Variants in ZNF627 observed in about 807,000 individuals in gnomAD.
The protein encoded by ZNF627 is zinc finger protein 627.
A neutral mutation model predicts 10.6 loss-of-function variants in ZNF627; 12 were observed. The observed-to-expected ratio is 1.13, with a 90% CI of 0.73 to 1.84. The LOEUF (loss-of-function observed/expected upper bound fraction) is 1.84. Among genes scored for constraint, ZNF627 ranks in the 40% most tolerant of loss-of-function variants. The probability of loss-of-function intolerance (pLI) is 0.00; values close to 1 mark genes in which losing one functional copy is unlikely to be tolerated. For missense variants in ZNF627, 504 were observed against 568.4 expected (o/e 0.89, Z 1.15); for synonymous variants, 176 against 187.1 (o/e 0.94, Z 0.48).
intron 1 of ZNF627, among the ~76,000 whole-genome samples, chr19:11,599,119 C>G (rs936197741): frequency 2.0e-5 from 3 of 152,226 alleles, no homozygotes; most frequent in African/African-American, 7.2e-5. Flanking sequence ...TGGTCCTGGG[C>G]TTCAGGGCTG....
At chr19:11,598,359 C>G (rs1056076499) in intron 1 of ZNF627, among the ~76,000 whole-genome samples, 3 of 152,056 alleles carry the variant, frequency 2.0e-5, no homozygotes, top group African/African-American at 7.2e-5. Context: ...ATAGCGAGAC[C>G]CCATCTCTGT....
intron 1 of ZNF627, among the ~76,000 whole-genome samples, chr19:11,612,800 G>C (rs1313867054): frequency 1.3e-5 from 2 of 151,568 alleles, no homozygotes; most frequent in Non-Finnish European, 2.9e-5. Context: ...TTGGTTGAGG[G>C]AGTACCTGTG....
rs1015672493 is a variant in ZNF627 at position 11,619,061 on chromosome 19, C to A, written c.*1172C>A. ...TCATGCTGTTTTGTGTGCTCTCTTG[C>A]TAAAGACCGCAGAGACCATACCTGT... On this transcript the variant is annotated 3_prime_UTR_variant, in exon 4 of 4. Transcript: ENST00000361113. 1 of 151,998 alleles carries A rather than the reference C, an allele frequency of 6.6e-6. No individual in the cohort carries two copies. The highest frequency in any genetic ancestry group is 2.4e-5 in the African/African-American group (1 of 41,346). The allele number at this position is 151,998 out of a possible 1,614,324, so 9.4% of individuals were successfully genotyped here.
Position 11,603,284 on chromosome 19 carries a change from C to CTTTTTTTT in ZNF627, c.3+5665_3+5672dup, listed in dbSNP as rs34132887. 2.5e-5 allele frequency among the ~76,000 whole-genome samples: 3 copies of CTTTTTTTT among 119,960 alleles called. 1 individual carries two copies. Among genetic ancestry groups the CTTTTTTTT allele is most frequent in the Non-Finnish European group, 5.0e-5 (3 of 59,638 alleles). The allele number at this position is 119,960 out of a possible 152,430, so 78.7% of individuals were successfully genotyped here. A position where few individuals can be genotyped will look rare whatever the true frequency, so the allele number is the denominator to read the frequency against. ...GTACGACATCTTGGCTATTCTTAGC[C>CTTTTTTTT]TTTTTTTTTTTTTTTTTTGAGATGG... On this transcript the variant is annotated intron_variant, in intron 1 of 3. Transcript: ENST00000361113.
intron 1 of ZNF627, among the ~76,000 whole-genome samples, chr19:11,602,639 A>G (rs1973607705): frequency 6.6e-6 from 1 of 152,170 alleles, no homozygotes; most frequent in Non-Finnish European, 1.5e-5. Flanking sequence ...ATGAGCCCTG[A>G]ACTTGTGGGG....
At chr19:11,605,554 T>C (rs1444384976) in intron 1 of ZNF627, among the ~76,000 whole-genome samples, 1 of 151,646 alleles carries the variant, frequency 6.6e-6, no homozygotes, top group Non-Finnish European at 1.5e-5. Context: ...AGACTAAAGG[T>C]GGGGGAAAGG....
In ZNF627 at chr19:11,618,013, T is replaced by A; in HGVS notation, c.*124T>A. 5 of 811,026 alleles carry A rather than the reference T, an allele frequency of 6.2e-6. No individual in the cohort carries two copies. Among genetic ancestry groups the A allele is most frequent in the Non-Finnish European group, 9.1e-6 (5 of 548,624 alleles). 50.2% of individuals were successfully genotyped at this position (811,026 alleles called of 1,614,324 possible). A position where few individuals can be genotyped will look rare whatever the true frequency, so the allele number is the denominator to read the frequency against. ...GTGGAGAAAGACCCTGTAAGATAAT[T>A]GGCTTTAAATTACGAGAGACTTGTG... is the stretch of plus-strand genomic sequence containing the variant. On this transcript the variant is annotated 3_prime_UTR_variant, in exon 4 of 4. Transcript: ENST00000361113.
rs374069781 is a variant in ZNF627, at chr19:11,597,654, C to G, written c.3+24C>G. ...TGGTGCGTGTGAGGGGTCAGGCGTC[C>G]CCAGACCTGGGGGAGGGGCTGGTTG... is the stretch of plus-strand genomic sequence containing the variant. On this transcript the variant is annotated intron_variant, in intron 1 of 3. Transcript: ENST00000361113. 7.6e-5 allele frequency: 101 copies of G among 1,336,504 alleles called. No homozygotes were observed. In the African/African-American group the frequency reaches 1.4e-3, roughly 19 times the overall value. 82.8% of individuals were successfully genotyped at this position (1,336,504 alleles called of 1,614,324 possible).
chr19:11,613,309 C>T (rs1032673313), intron 1 of ZNF627, among the ~76,000 whole-genome samples: 25 of 144,536 alleles, frequency 1.7e-4, no homozygotes, highest in Non-Finnish European at 3.3e-4. Flanking sequence ...CCATCCCTGG[C>T]CTGAAGGTGG....
At position 11,616,856 on chromosome 19, in the gene ZNF627, G is replaced by A. The variant is rs376422962; in HGVS notation, c.353G>A (p.Arg118Lys). The A allele has an allele frequency of 1.6e-4, 254 of 1,613,912 alleles. 2 individuals carry two copies. The highest frequency in any genetic ancestry group is 1.9e-5 in the Non-Finnish European group (22 of 1,180,008). Reference sequence around the variant, plus strand: ...GGCATGGGTCCTTCATCACTTAATAGGCACATCAGAGATCACACTGGACGT... The same window carrying A: ...GGCATGGGTCCTTCATCACTTAATAAGCACATCAGAGATCACACTGGACGT... ...EVGMGPSSLNRHIRDHTGREP... is the reference protein window; with the variant it reads ...EVGMGPSSLNKHIRDHTGREP... Residue 118 changes from arginine to lysine, a missense_variant, in exon 4 of 4, where the codon AGG (arginine) becomes AAG (lysine). Arg to Lys is a conservative substitution (Grantham distance 26, BLOSUM62 2). Transcript: ENST00000361113.
chr19:11,615,496 C>G (rs1279902059), intron 3 of ZNF627, among the ~76,000 whole-genome samples: 2 of 146,878 alleles, frequency 1.4e-5, no homozygotes, highest in Non-Finnish European at 3.0e-5. Flanking sequence ...CCCAGCTACT[C>G]GGGAGGCTGA....
At chr19:11,610,948 G>A (rs968670686) in intron 1 of ZNF627, among the ~76,000 whole-genome samples, 1 of 151,738 alleles carries the variant, frequency 6.6e-6, no homozygotes, top group African/African-American at 2.4e-5. Context: ...CACCTCCTGG[G>A]TTCAAGCGAT....
In ZNF627 at chr19:11,619,151, T is replaced by C. The variant is rs988948105; in HGVS notation, c.*1262T>C. Reference sequence around the variant, plus strand: ...CCACAAACCATAAAGGACTGTGTGATGTATCAGTAAGAGGGTGCTCAGAAG... The same window carrying C: ...CCACAAACCATAAAGGACTGTGTGACGTATCAGTAAGAGGGTGCTCAGAAG... On this transcript the variant is annotated 3_prime_UTR_variant, in exon 4 of 4. Transcript: ENST00000361113. 2 of 152,122 alleles carry C rather than the reference T, an allele frequency of 1.3e-5. No homozygotes were observed. Among genetic ancestry groups the C allele is most frequent in the Admixed American group, 6.6e-5 (1 of 15,266 alleles). 9.4% of individuals were successfully genotyped at this position (152,122 alleles called of 1,614,324 possible). A position where few individuals can be genotyped will look rare whatever the true frequency, so the allele number is the denominator to read the frequency against.
chr19:11,614,748 G>T, intron 2 of ZNF627, 79 bp from the exon 3 acceptor site: 2 of 1,598,762 alleles, frequency 1.3e-6, no homozygotes, highest in Non-Finnish European at 1.7e-6. Context: ...TGGGTACAGG[G>T]AATTATGAAT....
rs559885274 is a variant in ZNF627, at chr19:11,607,661, C to T, written c.4-6866C>T. ...TGCTTCAAGTTACCAACAAGTTTCTCGTCTCCATCTGAGACCACCTCAGCC... is the reference window on the plus strand; with the variant it reads ...TGCTTCAAGTTACCAACAAGTTTCTTGTCTCCATCTGAGACCACCTCAGCC... On this transcript the variant is annotated intron_variant, in intron 1 of 3. Coordinates refer to ENST00000361113, the MANE Select transcript of ZNF627 (RefSeq NM_145295.4). 3.9e-5 allele frequency among the ~76,000 whole-genome samples: 6 copies of T among 152,316 alleles called. No individual in the cohort carries two copies. The South Asian group carries it at 6.2e-4, about 16-fold the overall frequency.
chr19:11,606,472 C>T (rs1973677206), intron 1 of ZNF627, among the ~76,000 whole-genome samples: 2 of 152,364 alleles, frequency 1.3e-5, no homozygotes, highest in South Asian at 4.1e-4. Flanking sequence ...AGCCCCCACT[C>T]CTGGCTGCTT....
At chr19:11,603,599 G>GT (rs897179561) in intron 1 of ZNF627, among the ~76,000 whole-genome samples, 3 of 151,476 alleles carry the variant, frequency 2.0e-5, no homozygotes, top group South Asian at 2.1e-4. Flanking sequence ...ATTTTTGTCT[G>GT]TTTTTTGTGG....
At chr19:11,603,228 T>C (rs1451143455) in intron 1 of ZNF627, among the ~76,000 whole-genome samples, 3 of 151,920 alleles carry the variant, frequency 2.0e-5, no homozygotes, top group Non-Finnish European at 4.4e-5. Context: ...AATACAAACA[T>C]TCAGTCTGTT....
chr19:11,603,282 G>A (rs1973618371), intron 1 of ZNF627, among the ~76,000 whole-genome samples: 1 of 128,608 alleles, frequency 7.8e-6, no homozygotes, highest in Non-Finnish European at 1.7e-5. Flanking sequence ...GCTATTCTTA[G>A]CCTTTTTTTT....
Sources: gnomAD v4.1 joint callset for allele counts (sites outside exome capture counted in the v4.1 genomes callset) on GRCh38, gnomAD v4.1.1 for gene constraint, MANE v1.5 for transcripts, NCBI Gene and HGNC (gene_info 2026-07-23, HGNC 2026-07-21) for gene names.